The following TFRC variants were observed in gnomAD, a reference collection of about 807,000 sequenced individuals.
TFRC encodes the protein transferrin receptor protein 1.
Under a neutral mutation model 85.8 loss-of-function variants are expected in TFRC, and 35 were observed. That is an observed-to-expected ratio of 0.41 (90% CI 0.31 to 0.54). The LOEUF (loss-of-function observed/expected upper bound fraction) is 0.54. Ranked by LOEUF, TFRC falls within the 20% of genes least tolerant of loss-of-function variation. The probability of loss-of-function intolerance (pLI) is 0.31; values close to 1 mark genes in which losing one functional copy is unlikely to be tolerated. For missense variants in TFRC, 828 were observed against 921.5 expected (o/e 0.90, Z 1.31); for synonymous variants, 362 against 328.6 (o/e 1.10, Z -1.10).
At position 196,064,412 on chromosome 3, in the gene TFRC, A is replaced by G; in HGVS notation, c.1215T>C (p.Val405=). The G allele has an allele frequency of 1.2e-6, 2 of 1,603,066 alleles. No homozygotes were observed. The highest frequency in any genetic ancestry group is 1.3e-5 in the African/African-American group (1 of 74,116). ...GGCCCCATGCATCTCTCTGGGCCCC[A>G]ACTACAACATAGTGATCTTTAAAAA... The part of the protein sequence containing the change: ...GFVEPDHYVV[V]GAQRDAWGPG... Residue 405 remains valine, a synonymous_variant, in exon 11 of 19, where the codon GTT becomes GTC. Coordinates refer to ENST00000360110, the MANE Select transcript of TFRC (RefSeq NM_001128148.3).
Position 196,069,557 on chromosome 3 carries a change from G to T in TFRC, c.699C>A (p.Val233=). Residue 233 remains valine, a synonymous_variant, in exon 7 of 19, where the codon GTC becomes GTA. Coordinates refer to ENST00000360110, the MANE Select transcript of TFRC (RefSeq NM_001128148.3). The part of the protein sequence containing the change: ...SKAATVTGKL[V]HANFGTKKDF... ...CTTTTTTAGTACCAAAATTAGCATGGACCAGTTTACCCTAGAACAAAGACA... is the reference window on the plus strand; with the variant it reads ...CTTTTTTAGTACCAAAATTAGCATGTACCAGTTTACCCTAGAACAAAGACA... 1 of 1,599,910 alleles carries T rather than the reference G, an allele frequency of 6.3e-7. No homozygotes were observed. Among genetic ancestry groups the T allele is most frequent in the South Asian group, 1.1e-5 (1 of 90,608 alleles).
intron 13 of TFRC, chr3:196,060,658 T>A (rs986428206): frequency 6.2e-6 from 1 of 160,610 alleles, no homozygotes; most frequent in African/African-American, 2.4e-5. Flanking sequence ...ATTAGCCGGG[T>A]GTGGTGGCGG....
Position 196,058,379 on chromosome 3 carries a change from G to C in TFRC, c.1596-14C>G. 6.2e-7 allele frequency: 1 copy of C among 1,606,640 alleles called. No individual in the cohort carries two copies. Among genetic ancestry groups the C allele is most frequent in the Non-Finnish European group, 8.5e-7 (1 of 1,173,868 alleles). ...GTGAGTTTCTCACTGCAAAGACAAAGAATGTGTCTTTAGAAAGTGTTTTAA... is the reference window on the plus strand; with the variant it reads ...GTGAGTTTCTCACTGCAAAGACAAACAATGTGTCTTTAGAAAGTGTTTTAA... On this transcript the variant is annotated splice_polypyrimidine_tract_variant and intron_variant, in intron 15 of 18. Coordinates refer to ENST00000360110, the MANE Select transcript of TFRC (RefSeq NM_001128148.3).
chr3:196,066,452 A>G (rs1432533805), intron 9 of TFRC, among the ~76,000 whole-genome samples: 1 of 152,172 alleles, frequency 6.6e-6, no homozygotes, highest in African/African-American at 2.4e-5. Context: ...GAGACTGTCA[A>G]AATAAAAAAA....
intron 7 of TFRC, among the ~76,000 whole-genome samples, chr3:196,069,117 A>T (rs923386073): frequency 2.4e-4 from 36 of 152,122 alleles, no homozygotes; most frequent in African/African-American, 8.2e-4. Context: ...CACTTTTTTT[A>T]AAAATGCAGA....
chr3:196,070,548 C>T (rs145016934), intron 6 of TFRC, among the ~76,000 whole-genome samples: 2 of 152,176 alleles, frequency 1.3e-5, no homozygotes, highest in African/African-American at 4.8e-5. Flanking sequence ...CCACCACGCC[C>T]AGCCACAAAT....
Position 196,075,127 on chromosome 3 carries a change from A to G in TFRC, c.238+32T>C, listed in dbSNP as rs753505213. ...ACAGACTTCCCAGAGTTGGTTATAG[A>G]AAACATTGAAGTTTGGAATGGTCAT... On this transcript the variant is annotated intron_variant, in intron 3 of 18. Coordinates refer to ENST00000360110, the MANE Select transcript of TFRC (RefSeq NM_001128148.3). The G allele has an allele frequency of 3.7e-6, 6 of 1,606,446 alleles. No homozygotes were observed. The Admixed American group carries it at 8.4e-5, about 22-fold the overall frequency.
At chr3:196,058,462 T>A in intron 15 of TFRC, 97 bp from the exon 16 acceptor site, 1 of 1,471,442 alleles carries the variant, frequency 6.8e-7, no homozygotes, top group South Asian at 1.2e-5. Flanking sequence ...TTTAGCTGAA[T>A]ATCTTTAGGT....
intron 8 of TFRC, 147 bp from the exon 9 acceptor site, chr3:196,067,804 G>T: frequency 1.1e-6 from 1 of 933,828 alleles, no homozygotes; most frequent in Non-Finnish European, 1.6e-6. Context: ...TGTGACTCCT[G>T]TTTTCATGGC....
chr3:196,075,124 T>C (rs896160884), intron 3 of TFRC, 35 bp downstream of exon 3: 3 of 1,597,614 alleles, frequency 1.9e-6, no homozygotes, highest in South Asian at 2.2e-5. Context: ...GAGTTGGTTA[T>C]AGAAAACATT....
At chr3:196,074,240 G>T in intron 3 of TFRC, 115 bp from the exon 4 acceptor site, 2 of 1,016,882 alleles carry the variant, frequency 2.0e-6, no homozygotes, top group South Asian at 1.7e-5. Flanking sequence ...CAAATTCTAA[G>T]TAGTTTTAAA....
At position 196,076,954 on chromosome 3, in the gene TFRC, T is replaced by C. The variant is rs1026478247; in HGVS notation, c.36+110A>G. 2.9e-6 allele frequency: 3 copies of C among 1,025,794 alleles called. No homozygotes were observed. In the Admixed American group the frequency reaches 6.0e-5, roughly 20 times the overall value. 63.5% of individuals were successfully genotyped at this position (1,025,794 alleles called of 1,614,324 possible). ...TCAAGACTACCAATTCAAATGTAAA[T>C]GAATACCTGATAATAGATTGGGGTT... On this transcript the variant is annotated intron_variant, in intron 2 of 18. Transcript: ENST00000360110.
At chr3:196,059,778 AT>A (rs1717121656) in intron 14 of TFRC, among the ~76,000 whole-genome samples, 1 of 94,832 alleles carries the variant, frequency 1.1e-5, no homozygotes, top group African/African-American at 4.2e-5. Flanking sequence ...CCCACCCCAC[AT>A]AGGCAAATAT....
chr3:196,063,192 G>C (rs1577230813), intron 11 of TFRC: 1 of 382,010 alleles, frequency 2.6e-6, no homozygotes, highest in East Asian at 5.3e-5. Context: ...CTGCAAATAA[G>C]ATTTTGAGTA....
At chr3:196,075,071 G>GGAA in intron 3 of TFRC, 88 bp downstream of exon 3, 1 of 888,730 alleles carries the variant, frequency 1.1e-6, no homozygotes, top group Non-Finnish European at 1.7e-6. Flanking sequence ...AAAAAATAAG[G>GGAA]TACAAAATAA....
intron 17 of TFRC, among the ~76,000 whole-genome samples, chr3:196,053,962 C>T (rs373891208): frequency 6.6e-6 from 1 of 152,128 alleles, no homozygotes; most frequent in African/African-American, 2.4e-5. Flanking sequence ...AGATGCCGGG[C>T]GTGGTGGCTC....
At chr3:196,061,735 C>T (rs544020400) in intron 13 of TFRC, among the ~76,000 whole-genome samples, 1 of 152,200 alleles carries the variant, frequency 6.6e-6, no homozygotes, top group South Asian at 2.1e-4. Flanking sequence ...GGTGATCCGC[C>T]TGCCTTGGCC....
intron 9 of TFRC, among the ~76,000 whole-genome samples, chr3:196,065,981 T>A (rs1189837995): frequency 1.4e-5 from 2 of 145,412 alleles, no homozygotes; most frequent in Non-Finnish European, 3.0e-5. Flanking sequence ...AGAGCACAAG[T>A]CCTGTCTCAA....
intron 16 of TFRC, among the ~76,000 whole-genome samples, chr3:196,057,699 G>C (rs1012907301): frequency 6.6e-6 from 1 of 151,626 alleles, no homozygotes; most frequent in African/African-American, 2.4e-5. Context: ...GGAGGCTGAA[G>C]GGGGAGGACT....
Sources: gnomAD v4.1 joint callset for allele counts (sites outside exome capture counted in the v4.1 genomes callset) on GRCh38, gnomAD v4.1.1 for gene constraint, MANE v1.5 for transcripts, NCBI Gene and HGNC (gene_info 2026-07-23, HGNC 2026-07-21) for gene names.